The following STIL variants were observed in gnomAD, a reference collection of about 807,000 sequenced individuals.
The protein encoded by STIL is STIL centriolar assembly protein.
Under a neutral mutation model 110.1 loss-of-function variants are expected in STIL, and 55 were observed. That is an observed-to-expected ratio of 0.50 (90% confidence interval 0.40 to 0.63). STIL has a LOEUF of 0.63. Among genes scored for constraint, STIL ranks in the 20% least tolerant of loss-of-function variants. The probability of loss-of-function intolerance (pLI) is 0.00; values close to 1 mark genes in which losing one functional copy is unlikely to be tolerated. For synonymous variants in STIL, 481 were observed against 530.0 expected (o/e 0.91, Z 1.27); for missense variants, 1,358 against 1,530.0 (o/e 0.89, Z 1.87).
intron 16 of STIL, among the ~76,000 whole-genome samples, chr1:47,256,231 C>T (rs1031134675): frequency 3.1e-4 from 47 of 152,104 alleles, no homozygotes; most frequent in African/African-American, 1.1e-3. Context: ...TCACTGTAAG[C>T]GTCGGTGATG....
rs147203975 is a variant in STIL, at chr1:47,259,705, A to G, written c.3080+584T>C. 5.8e-3 allele frequency among the ~76,000 whole-genome samples: 888 copies of G among 152,246 alleles called. 25 individuals are homozygous for G. Among genetic ancestry groups the G allele is most frequent in the Admixed American group, 0.042 (638 of 15,292 alleles). On this transcript the variant is annotated intron_variant, in intron 16 of 16. Transcript: ENST00000371877. ...AAACCATGAATTTTTATTACTTTTT[A>G]AATTAGAAAACAAAAAATAATTAAC...
chr1:47,308,737 T>C (rs1242267147), intron 2 of STIL, among the ~76,000 whole-genome samples: 1 of 152,018 alleles, frequency 6.6e-6, no homozygotes, highest in Non-Finnish European at 1.5e-5. Flanking sequence ...AATAACAACT[T>C]AAAAGTAATA....
chr1:47,251,337 G>T lies in STIL; in HGVS notation c.3666C>A (p.Asn1222Lys), dbSNP rs1644176721. 1.9e-6 allele frequency: 3 copies of T among 1,614,044 alleles called. No individual in the cohort carries two copies. Among genetic ancestry groups the T allele is most frequent in the Non-Finnish European group, 2.5e-6 (3 of 1,180,048 alleles). The change falls in exon 17 of 17, where the codon AAC (asparagine) becomes AAA (lysine). Residue 1222 changes from asparagine to lysine, a missense_variant. Physicochemically the swap from Asn to Lys is moderately conservative, Grantham distance 94. Coordinates refer to ENST00000371877, the MANE Select transcript of STIL (RefSeq NM_001048166.1). ...GGTTCACTGCAGGACTTGGTTTAAG[G>T]TTCTTTACTAAGAAAGCTGGCTTTT... ...LTEKPAFLVK[N>K]LKPSPAVNLR...
intron 16 of STIL, among the ~76,000 whole-genome samples, chr1:47,254,524 T>C (rs1289035608): frequency 7.6e-6 from 1 of 132,198 alleles, no homozygotes; most frequent in African/African-American, 3.1e-5. Flanking sequence ...GCAGGTCTAA[T>C]TTGGGTTTTT....
chr1:47,269,600 AAGT>A, intron 14 of STIL, 32 bp downstream of exon 14: 1 of 1,595,478 alleles, frequency 6.3e-7, no homozygotes, highest in Non-Finnish European at 8.6e-7. Context: ...TTTTTTTTGA[AAGT>A]AGGATGAAAG....
At position 47,280,910 on chromosome 1, in the gene STIL, G is replaced by A. The variant is rs375423064; in HGVS notation, c.1548C>T (p.Pro516=). 8.1e-6 allele frequency: 13 copies of A among 1,614,030 alleles called. No homozygotes were observed. The highest frequency in any genetic ancestry group is 8.5e-6 in the Non-Finnish European group (10 of 1,180,018). ...ATGGTTTAATACTGTTCCTGGTATGGGGGTTCCCTTTCTTATAGGCAGGTG... is the reference window on the plus strand; with the variant it reads ...ATGGTTTAATACTGTTCCTGGTATGAGGGTTCCCTTTCTTATAGGCAGGTG... ...RQPPAYKKGN[P]HTRNSIKPSS... The change falls in exon 12 of 17, where the codon CCC becomes CCT. Residue 516 remains proline (P), a synonymous_variant. Coordinates refer to ENST00000371877, the MANE Select transcript of STIL (RefSeq NM_001048166.1).
chr1:47,292,100 G>A (rs376774393), intron 8 of STIL, among the ~76,000 whole-genome samples: 1 of 151,000 alleles, frequency 6.6e-6, no homozygotes, highest in African/African-American at 2.4e-5. Context: ...GGCCTCAAGC[G>A]ATCCTCCTGC....
intron 12 of STIL, among the ~76,000 whole-genome samples, chr1:47,278,677 T>C (rs1645058492): frequency 6.6e-6 from 1 of 152,088 alleles, no homozygotes; most frequent in African/African-American, 2.4e-5. Context: ...AATTTATATT[T>C]TACATTATGT....
In STIL at chr1:47,266,784, A is replaced by C. The variant is rs75821874; in HGVS notation, c.2615+2851T>G. Among the ~76,000 whole-genome samples the C allele has an allele frequency of 5.2e-3, 793 of 152,342 alleles. 2 individuals are homozygous for C. The highest frequency in any genetic ancestry group is 0.03 in the East Asian group (158 of 5,188). ...TTAACTTCCACTCTTAACATCCTTC[A>C]GTTCTCCACGAAACAATTAGAATGG... is the stretch of plus-strand genomic sequence containing the variant. On this transcript the variant is annotated intron_variant, in intron 14 of 16. Coordinates refer to ENST00000371877, the MANE Select transcript of STIL (RefSeq NM_001048166.1).
rs765400759 is a variant in STIL, at chr1:47,282,374, T to C, written c.1219A>G (p.Ile407Val). The C allele has an allele frequency of 3.1e-6, 5 of 1,612,632 alleles. No homozygotes were observed. In the African/African-American group the frequency reaches 5.3e-5, roughly 17 times the overall value. Residue 407 changes from isoleucine (I) to valine (V), a missense_variant, in exon 11 of 17, where the codon ATT (isoleucine) becomes GTT (valine). Transcript: ENST00000371877. ...VEDEDFSPRP[I>V]PSPHPVSQKI... The stretch of plus-strand genomic sequence containing the variant: ...TGACTCACTGGATGAGGACTAGGAA[T>C]TGGTCTTGGAGAAAAATCTTCATCT...
At chr1:47,260,244 A>G (rs776084051) in intron 16 of STIL, 45 bp downstream of exon 16, 2 of 1,537,134 alleles carry the variant, frequency 1.3e-6, no homozygotes, top group Admixed American at 1.9e-5. Context: ...AAATTTTTAA[A>G]AAATAAAATT....
At chr1:47,265,240 A>AAAG (rs1268060092) in intron 14 of STIL, among the ~76,000 whole-genome samples, 1 of 147,304 alleles carries the variant, frequency 6.8e-6, no homozygotes, top group African/African-American at 2.6e-5. Flanking sequence ...CATCTCCCAA[A>AAAG]AAAAAAAAAA....
At chr1:47,269,534 A>G in intron 14 of STIL, 101 bp downstream of exon 14, 1 of 820,638 alleles carries the variant, frequency 1.2e-6, no homozygotes. Flanking sequence ...GTAAACATGC[A>G]TCTAAACATT....
intron 8 of STIL, among the ~76,000 whole-genome samples, chr1:47,290,147 G>C (rs1011432287): frequency 1.1e-4 from 16 of 152,044 alleles, no homozygotes; most frequent in Admixed American, 2.6e-4. Flanking sequence ...AATGTTAAAA[G>C]TAGAACTCCA....
rs190918041 is a variant in STIL, at chr1:47,251,746, G to A, written c.3257C>T (p.Ser1086Leu). ...NQLSQLSVTRSNQNNCDPFSL... is the reference protein window; with the variant it reads ...NQLSQLSVTRLNQNNCDPFSL... ...GAATGGGTCACAATTATTTTGGTTC[G>A]ATCGAGTGACAGACAGTTGTGACAG... The change falls in exon 17 of 17, where the codon TCG (serine) becomes TTG (leucine). Residue 1086 changes from serine (S) to leucine (L), a missense_variant. Ser to Leu is a moderately radical substitution (Grantham distance 145). Transcript: ENST00000371877. The A allele has an allele frequency of 2.4e-5, 38 of 1,614,054 alleles. No individual in the cohort carries two copies. Among genetic ancestry groups the A allele is most frequent in the Middle Eastern group, 1.7e-4 (1 of 6,060 alleles).
intron 12 of STIL, among the ~76,000 whole-genome samples, chr1:47,279,227 G>A (rs962525227): frequency 1.3e-5 from 2 of 149,316 alleles, no homozygotes; most frequent in East Asian, 2.0e-4. Flanking sequence ...AGCTTGCAGT[G>A]AGCCGAGATC....
intron 14 of STIL, among the ~76,000 whole-genome samples, chr1:47,268,589 TA>T (rs1166711109): frequency 6.6e-6 from 1 of 151,036 alleles, no homozygotes. Flanking sequence ...ACCCCATCTC[TA>T]AAAAAAATAC....
chr1:47,252,428 A>G (rs1358895954), intron 16 of STIL, among the ~76,000 whole-genome samples: 1 of 152,172 alleles, frequency 6.6e-6, no homozygotes, highest in African/African-American at 2.4e-5. Context: ...GATACAAATA[A>G]TAGCCTAGAA....
chr1:47,300,172 T>A lies in STIL; in HGVS notation c.454-20A>T. ...TAGAGCCTGAGAAATCAATATTAAA[T>A]AATTATTTTAAAACTTTGAAATGTG... On this transcript the variant is annotated intron_variant, in intron 5 of 16. Coordinates refer to ENST00000371877, the MANE Select transcript of STIL (RefSeq NM_001048166.1). 1 of 1,605,554 alleles carries A rather than the reference T, an allele frequency of 6.2e-7. No individual in the cohort carries two copies. The highest frequency in any genetic ancestry group is 8.5e-7 in the Non-Finnish European group (1 of 1,176,058).
Sources: allele counts gnomAD v4.1 joint callset (sites outside exome capture counted in the v4.1 genomes callset), GRCh38; gene constraint gnomAD v4.1.1; transcripts MANE v1.5; gene names NCBI Gene and HGNC (gene_info 2026-07-23, HGNC 2026-07-21).